The following TENM4 variants were observed in gnomAD, a reference collection of about 807,000 sequenced individuals.
TENM4 encodes teneurin-4.
A neutral mutation model predicts 243.3 loss-of-function variants in TENM4; 82 were observed. That is an observed-to-expected ratio of 0.34 (90% CI 0.28 to 0.40). The LOEUF (loss-of-function observed/expected upper bound fraction) is 0.40. Ranked by LOEUF, TENM4 falls within the 10% of genes least tolerant of loss-of-function variation. The pLI, the probability that TENM4 is intolerant of heterozygous loss-of-function variation, is 1.00. For synonymous variants in TENM4, 1,412 were observed against 1,456.3 expected (o/e 0.97, Z 0.69); for missense variants, 3,138 against 3,673.3 (o/e 0.85, Z 3.77).
In TENM4 at chr11:78,672,081, G is replaced by A. The variant is rs1284012436; in HGVS notation, c.5745C>T (p.Ser1915=). 1 of 1,614,020 alleles carries A rather than the reference G, an allele frequency of 6.2e-7. No homozygotes were observed. Among genetic ancestry groups the A allele is most frequent in the South Asian group, 1.1e-5 (1 of 91,060 alleles). Residue 1915 remains serine, a synonymous_variant, in exon 31 of 34, where the codon TCC becomes TCT. Transcript: ENST00000278550. ...ATGTCTTCCCATCAGCGAAGATCCT[G>A]GATGTGATGCGGCCCGCCTGGTCGT... is the stretch of plus-strand genomic sequence containing the variant. ...MEYDQAGRIT[S]RIFADGKTWS...
intron 12 of TENM4, among the ~76,000 whole-genome samples, chr11:78,831,057 C>G (rs1416415227): frequency 6.6e-6 from 1 of 152,114 alleles, no homozygotes; most frequent in African/African-American, 2.4e-5. Flanking sequence ...TATGGTTATC[C>G]CTACTTTTCA....
rs1856254937 is a variant in TENM4, at chr11:78,913,881, G to A, written c.494-10358C>T. ...AATGCTTTCCCTGGCTTCCTTGGAT[G>A]GTGAAGGGTTTAGAAACTGTGTCCC... On this transcript the variant is annotated intron_variant, in intron 6 of 33. Coordinates refer to ENST00000278550, the MANE Select transcript of TENM4 (RefSeq NM_001098816.3). Among the ~76,000 whole-genome samples, 3 of 152,160 alleles carry A rather than the reference G, an allele frequency of 2.0e-5. No individual in the cohort carries two copies. In the South Asian group the frequency reaches 6.2e-4, roughly 32 times the overall value.
At chr11:78,935,713 AC>A (rs1856768854) in intron 6 of TENM4, among the ~76,000 whole-genome samples, 1 of 152,238 alleles carries the variant, frequency 6.6e-6, no homozygotes, top group Non-Finnish European at 1.5e-5. Context: ...AATGCTGATA[AC>A]AATTATACCA....
chr11:78,848,106 A>G (rs1015989053), intron 12 of TENM4, among the ~76,000 whole-genome samples: 2 of 150,514 alleles, frequency 1.3e-5, no homozygotes, highest in African/African-American at 4.9e-5. Context: ...ACTGAACATC[A>G]TTGAACAAGT....
At chr11:79,189,506 T>A (rs1324202369) in intron 3 of TENM4, among the ~76,000 whole-genome samples, 7 of 152,240 alleles carry the variant, frequency 4.6e-5, no homozygotes, top group African/African-American at 1.7e-4. Context: ...TAGGTGTTCA[T>A]CAAACACTGC....
rs1319146425 is a variant in TENM4, at chr11:78,726,218, G to A, written c.3411C>T (p.Ser1137=). Residue 1137 remains serine, a synonymous_variant, in exon 23 of 34, where the codon TCC becomes TCT. Transcript: ENST00000278550. The stretch of plus-strand genomic sequence containing the variant: ...GGCAGGATTCATATTCATAACCCAC[G>A]GAAACTGTAGGTGACAGAATGAGGC... ...KVFGLSEAFV[S]VGYEYESCPD... is the part of the protein sequence containing the mutation. The A allele has an allele frequency of 1.1e-5, 18 of 1,613,446 alleles. No individual in the cohort carries two copies. The highest frequency in any genetic ancestry group is 3.3e-4 in the Middle Eastern group (2 of 6,084).
At chr11:79,209,947 A>C (rs909457071) in intron 3 of TENM4, among the ~76,000 whole-genome samples, 12 of 152,222 alleles carry the variant, frequency 7.9e-5, no homozygotes, top group African/African-American at 2.9e-4. Flanking sequence ...AAAAATATAT[A>C]GGTTTTTATA....
intron 3 of TENM4, among the ~76,000 whole-genome samples, chr11:79,206,005 C>T (rs1863844588): frequency 6.6e-6 from 1 of 152,178 alleles, no homozygotes; most frequent in Non-Finnish European, 1.5e-5. Context: ...AGGAACAAGG[C>T]CAGGGTGCCC....
At chr11:78,913,439 T>C (rs1366140467) in intron 6 of TENM4, among the ~76,000 whole-genome samples, 1 of 152,190 alleles carries the variant, frequency 6.6e-6, no homozygotes, top group Non-Finnish European at 1.5e-5. Flanking sequence ...AGGCAGAATT[T>C]GTCCTGGGAA....
At chr11:79,072,096 G>C (rs1265759667) in intron 4 of TENM4, among the ~76,000 whole-genome samples, 1 of 152,160 alleles carries the variant, frequency 6.6e-6, no homozygotes, top group Non-Finnish European at 1.5e-5. Context: ...ATAGTCCTCT[G>C]AGTGTCTGAG....
chr11:79,091,545 C>T lies in TENM4; in HGVS notation c.-65-21536G>A, dbSNP rs564602441. Among the ~76,000 whole-genome samples, 12 of 152,304 alleles carry T rather than the reference C, an allele frequency of 7.9e-5. No homozygotes were observed. In the South Asian group the frequency reaches 2.5e-3, roughly 32 times the overall value. On this transcript the variant is annotated intron_variant, in intron 4 of 33. Transcript: ENST00000278550. ...TCCCTGCTCAGAACCTTAAATGGTTCTCTACTGCCTAAAGTCTTGCTACTC... is the reference window on the plus strand; with the variant it reads ...TCCCTGCTCAGAACCTTAAATGGTTTTCTACTGCCTAAAGTCTTGCTACTC...
Position 78,863,019 on chromosome 11 carries a change from G to T in TENM4, c.1198C>A (p.Pro400Thr), listed in dbSNP as rs755634579. 1.3e-6 allele frequency: 2 copies of T among 1,533,202 alleles called. No homozygotes were observed. Among genetic ancestry groups the T allele is most frequent in the African/African-American group, 1.4e-5 (1 of 72,704 alleles). The allele number at this position is 1,533,202 out of a possible 1,614,324, so 95.0% of individuals were successfully genotyped here. The change falls in exon 10 of 34, where the codon CCC (proline) becomes ACC (threonine). Residue 400 changes from proline to threonine, a missense_variant. Around this residue, in one of 2 missense-constraint regions of TENM4, gnomAD observed 671 missense variants for 614.1 expected, o/e 1.09. Coordinates refer to ENST00000278550, the MANE Select transcript of TENM4 (RefSeq NM_001098816.3). Reference sequence around the variant, plus strand: ...GTCTCTAAGCCAGTGCCCCCTGAGGGGTATAGGGAGACGTCGGTTGGCACA... The same window carrying T: ...GTCTCTAAGCCAGTGCCCCCTGAGGTGTATAGGGAGACGTCGGTTGGCACA... ...WPVPTDVSLY[P>T]SGGTGLETPD... is the part of the protein sequence containing the mutation.
At chr11:79,335,677 C>T (rs35166217) in intron 1 of TENM4, among the ~76,000 whole-genome samples, 10,210 of 152,194 alleles carry the variant, frequency 0.067, 397 homozygotes, top group African/African-American at 0.07. Flanking sequence ...TCTGTTCCAC[C>T]TCAGTCTTTC....
chr11:79,080,827 G>A (rs771902219), intron 4 of TENM4, among the ~76,000 whole-genome samples: 6 of 152,144 alleles, frequency 3.9e-5, no homozygotes, highest in Admixed American at 1.3e-4. Context: ...CAAGGGTCAG[G>A]CCTGAAACCC....
At chr11:79,405,460 TAGA>T (rs1001069072) in intron 1 of TENM4, among the ~76,000 whole-genome samples, 10 of 147,960 alleles carry the variant, frequency 6.8e-5, no homozygotes, top group African/African-American at 1.8e-4. Context: ...TTTAGAATTG[TAGA>T]AGAAGGCTTA....
At chr11:79,360,495 C>T (rs1300959895) in intron 1 of TENM4, among the ~76,000 whole-genome samples, 1 of 152,136 alleles carries the variant, frequency 6.6e-6, no homozygotes, top group Non-Finnish European at 1.5e-5. Context: ...AATGGTATGA[C>T]CAAGAAGCAC....
intron 4 of TENM4, among the ~76,000 whole-genome samples, chr11:79,108,910 A>C (rs1861438056): frequency 1.3e-5 from 2 of 148,690 alleles, no homozygotes; most frequent in African/African-American, 2.5e-5. Context: ...CTTCCCTTCC[A>C]CTCTCTCCCC....
chr11:78,658,391 C>T lies in TENM4; in HGVS notation c.7977G>A (p.Arg2659=), dbSNP rs1462454044. 6.2e-7 allele frequency: 1 copy of T among 1,613,952 alleles called. No individual in the cohort carries two copies. The change falls in exon 34 of 34, where the codon AGG becomes AGA. Residue 2659 remains arginine, a synonymous_variant. Transcript: ENST00000278550. ...VSQINTVLNG[R]TRRYTDIQLQ... ...GCTGGATGTCTGTGTAGCGTCTAGT[C>T]CTGCCATTAAGTACTGTGTTGATCT...
At chr11:79,112,461 CTG>C (rs1364307206) in intron 4 of TENM4, among the ~76,000 whole-genome samples, 1 of 151,784 alleles carries the variant, frequency 6.6e-6, no homozygotes, top group East Asian at 1.9e-4. Flanking sequence ...TGATTCAGGA[CTG>C]TGTTTATGGG....
Sources: gnomAD v4.1 joint callset for allele counts (sites outside exome capture counted in the v4.1 genomes callset) on GRCh38, gnomAD v4.1.1 for gene constraint, gnomAD v4.1.1 regional missense constraint, MANE v1.5 for transcripts, NCBI Gene and HGNC (gene_info 2026-07-23, HGNC 2026-07-21) for gene names.